TTC29: variants seen among roughly 807,000 people sequenced by gnomAD.
TTC29 encodes the protein tetratricopeptide repeat protein 29.
In TTC29, 49 loss-of-function variants were observed where a neutral mutation model predicts 58.1. The ratio of observed to expected loss-of-function variants is 0.84; its 90% CI spans 0.67 to 1.07. TTC29 has a LOEUF of 1.07. Among genes scored for constraint, TTC29 ranks in the 50% least tolerant of loss-of-function variants. The probability of loss-of-function intolerance (pLI) is 0.00; values close to 1 mark genes in which losing one functional copy is unlikely to be tolerated. For synonymous variants in TTC29, 209 were observed against 196.8 expected, an observed-to-expected ratio of 1.06 and a Z score of -0.52; for missense variants, 582 against 555.6, an observed-to-expected ratio of 1.05 and a Z score of -0.48.
At chr4:146,823,640 T>C (rs1302687160) in intron 9 of TTC29, among the ~76,000 whole-genome samples, 3 of 152,168 alleles carry the variant, frequency 2.0e-5, no homozygotes, top group Non-Finnish European at 4.4e-5. Flanking sequence ...CTGTGAAGAA[T>C]GTCAATGGTA....
intron 11 of TTC29, among the ~76,000 whole-genome samples, chr4:146,750,046 G>A (rs112586727): frequency 6.2e-4 from 94 of 152,094 alleles, no homozygotes; most frequent in African/African-American, 2.1e-3. Flanking sequence ...TCACTCTGTC[G>A]CCCTACATTG....
rs182388995 is a variant in TTC29, at chr4:146,711,057, G to T, written c.1331-3506C>A. ...TAGTTTGGGGACTGGAAAGGTAAAT[G>T]AATTTTTATAATTTTGGCATGCTAA... On this transcript the variant is annotated intron_variant, in intron 11 of 12. Coordinates refer to ENST00000325106, the MANE Select transcript of TTC29 (RefSeq NM_031956.4). Among the ~76,000 whole-genome samples the T allele has an allele frequency of 3.9e-5, 6 of 152,158 alleles. No individual in the cohort carries two copies. In the East Asian group the frequency reaches 1.2e-3, roughly 29 times the overall value.
At chr4:146,814,423 A>G (rs774178005) in intron 10 of TTC29, among the ~76,000 whole-genome samples, 22 of 150,922 alleles carry the variant, frequency 1.5e-4, no homozygotes, top group Non-Finnish European at 2.7e-4. Flanking sequence ...TTCTATTTAA[A>G]AAAAAGTTGG....
chr4:146,764,642 G>A (rs550123900), intron 11 of TTC29, among the ~76,000 whole-genome samples: 2 of 151,932 alleles, frequency 1.3e-5, no homozygotes, highest in Non-Finnish European at 2.9e-5. Flanking sequence ...AATCATGTTC[G>A]AACATAGGTA....
At chr4:146,837,725 T>G (rs1367992839) in intron 8 of TTC29, among the ~76,000 whole-genome samples, 1 of 152,050 alleles carries the variant, frequency 6.6e-6, no homozygotes, top group East Asian at 1.9e-4. Context: ...GCAGATAATA[T>G]GTTGGAAACA....
At chr4:146,805,132 C>G (rs181954710) in intron 10 of TTC29, among the ~76,000 whole-genome samples, 1 of 152,164 alleles carries the variant, frequency 6.6e-6, no homozygotes, top group Admixed American at 6.5e-5. Flanking sequence ...AGCAGCCCTG[C>G]AGGAGAGGGG....
At chr4:146,854,874 CT>C (rs1409429620) in intron 8 of TTC29, among the ~76,000 whole-genome samples, 3 of 152,320 alleles carry the variant, frequency 2.0e-5, no homozygotes, top group African/African-American at 7.2e-5. Context: ...CAAAAGAAAG[CT>C]GTTACACACA....
rs368387170 is a variant in TTC29, at chr4:146,874,702, T to A, written c.799+14A>T. ...ATTAAAGAAAGCAATGTGAGAGAGT[T>A]CTTTTCCACCCACCTTCTTTGGCTA... On this transcript the variant is annotated intron_variant, in intron 7 of 12. Transcript: ENST00000325106. 13 of 1,582,676 alleles carry A rather than the reference T, an allele frequency of 8.2e-6. No individual in the cohort carries two copies. The highest frequency in any genetic ancestry group is 1.1e-5 in the Non-Finnish European group (13 of 1,161,534).
chr4:146,922,012 CAA>C (rs34167190), intron 4 of TTC29, among the ~76,000 whole-genome samples: 29,306 of 107,706 alleles, frequency 0.27, 3,269 homozygotes, highest in Admixed American at 0.35. Flanking sequence ...GGATCCCCTA[CAA>C]AAAAAAAAAA....
intron 11 of TTC29, among the ~76,000 whole-genome samples, chr4:146,771,391 T>C (rs1298813076): frequency 1.3e-5 from 2 of 152,040 alleles, no homozygotes; most frequent in African/African-American, 2.4e-5. Flanking sequence ...TAGGTAGTTT[T>C]TCAATCCTGT....
At chr4:146,754,485 C>T (rs1561092338) in intron 11 of TTC29, among the ~76,000 whole-genome samples, 1 of 152,104 alleles carries the variant, frequency 6.6e-6, no homozygotes, top group Non-Finnish European at 1.5e-5. Context: ...AAGCTACAGG[C>T]CAATTTTTCT....
chr4:146,924,002 A>C (rs1260086647), intron 4 of TTC29, among the ~76,000 whole-genome samples: 1 of 151,784 alleles, frequency 6.6e-6, no homozygotes, highest in Non-Finnish European at 1.5e-5. Context: ...GCATTTAATA[A>C]AAGGAACATT....
At chr4:146,834,711 A>G (rs1422459230) in intron 8 of TTC29, among the ~76,000 whole-genome samples, 1 of 152,174 alleles carries the variant, frequency 6.6e-6, no homozygotes, top group East Asian at 1.9e-4. Flanking sequence ...AAGTCATTTG[A>G]CGGCATTTGG....
chr4:146,787,137 C>A (rs1749082755), intron 11 of TTC29, among the ~76,000 whole-genome samples: 1 of 152,082 alleles, frequency 6.6e-6, no homozygotes, highest in African/African-American at 2.4e-5. Flanking sequence ...GGGATAAAAT[C>A]TGCTTTTGAG....
At chr4:146,903,522 A>T in intron 6 of TTC29, 22 bp downstream of exon 6, 1 of 1,584,176 alleles carries the variant, frequency 6.3e-7, no homozygotes, top group South Asian at 1.2e-5. Flanking sequence ...TACCCAAGGC[A>T]TCCTGGCAAA....
intron 4 of TTC29, among the ~76,000 whole-genome samples, chr4:146,913,298 G>A (rs1734014771): frequency 6.6e-6 from 1 of 152,102 alleles, no homozygotes; most frequent in Non-Finnish European, 1.5e-5. Context: ...GCAGTTAGAA[G>A]GCTGTCTCAG....
intron 8 of TTC29, among the ~76,000 whole-genome samples, chr4:146,863,809 G>A (rs2150203706): frequency 6.6e-6 from 1 of 152,242 alleles, no homozygotes; most frequent in South Asian, 2.1e-4. Context: ...CATCAGTGCT[G>A]ACAGTGGAAG....
intron 8 of TTC29, among the ~76,000 whole-genome samples, chr4:146,852,185 C>A (rs910494226): frequency 6.6e-6 from 1 of 152,140 alleles, no homozygotes. Context: ...AGCAGAGGGG[C>A]GATTTCTTTT....
intron 4 of TTC29, among the ~76,000 whole-genome samples, chr4:146,914,745 C>T (rs72960328): frequency 1.3e-4 from 20 of 151,792 alleles, no homozygotes; most frequent in Non-Finnish European, 2.5e-4. Context: ...GGTTTTATTG[C>T]CATTTAAGGG....
Sources: gnomAD v4.1 joint callset for allele counts (sites outside exome capture counted in the v4.1 genomes callset) on GRCh38, gnomAD v4.1.1 for gene constraint, MANE v1.5 for transcripts, NCBI Gene and HGNC (gene_info 2026-07-23, HGNC 2026-07-21) for gene names.